Variants in SPEF2 observed in about 807,000 individuals in gnomAD.
SPEF2 encodes sperm flagellar and cilia associated 2.
Under a neutral mutation model 224.6 loss-of-function variants are expected in SPEF2, and 187 were observed. The observed-to-expected ratio is 0.83, with a 90% CI of 0.74 to 0.94. The LOEUF (loss-of-function observed/expected upper bound fraction) is 0.94. Among genes scored for constraint, SPEF2 ranks in the 40% least tolerant of loss-of-function variants. SPEF2 has a pLI of 0.00. For synonymous variants in SPEF2, 715 were observed against 707.3 expected (o/e 1.01, Z -0.17); for missense variants, 2,170 against 2,135.6 (o/e 1.02, Z -0.32).
chr5:35,619,369 T>C (rs1743145853), intron 1 of SPEF2, among the ~76,000 whole-genome samples: 1 of 152,178 alleles, frequency 6.6e-6, no homozygotes, highest in Non-Finnish European at 1.5e-5. Context: ...TTTAATTTAG[T>C]TCATTTATTT....
At chr5:35,743,586 G>T (rs1748018482) in intron 23 of SPEF2, among the ~76,000 whole-genome samples, 1 of 152,086 alleles carries the variant, frequency 6.6e-6, no homozygotes, top group Non-Finnish European at 1.5e-5. Flanking sequence ...ACCTGCCTTT[G>T]CTTCATGCCC....
At chr5:35,798,516 GC>G (rs1756991990) in intron 33 of SPEF2, among the ~76,000 whole-genome samples, 1 of 152,068 alleles carries the variant, frequency 6.6e-6, no homozygotes, top group African/African-American at 2.4e-5. Context: ...TTGCTGTCTA[GC>G]CCCCTCTCCA....
Position 35,700,512 on chromosome 5 carries a change from C to T in SPEF2, c.2158C>T (p.Gln720Ter). 6.2e-7 allele frequency: 1 copy of T among 1,612,570 alleles called. No homozygotes were observed. Among genetic ancestry groups the T allele is most frequent in the Non-Finnish European group, 8.5e-7 (1 of 1,179,530 alleles). ...VNAINEIPVN[Q>*]DCILDGFPMT... ...TCAATTTAGTGAGATACCTGTGAATCAAGACTGTATCCTAGATGGTTTTCC... is the reference window on the plus strand; with the variant it reads ...TCAATTTAGTGAGATACCTGTGAATTAAGACTGTATCCTAGATGGTTTTCC... The change falls in exon 16 of 37, where the codon CAA (glutamine) becomes TAA (stop). Residue 720 changes from glutamine (Q) to a stop codon, truncating the protein, a stop_gained. Transcript: ENST00000356031. LOFTEE classifies it high-confidence loss of function.
At chr5:35,786,476 A>G (rs1755141354) in intron 30 of SPEF2, among the ~76,000 whole-genome samples, 1 of 152,050 alleles carries the variant, frequency 6.6e-6, no homozygotes, top group South Asian at 2.1e-4. Flanking sequence ...CCTGACCAAT[A>G]TGGTGAAACC....
chr5:35,708,170 A>G (rs1338739044), intron 18 of SPEF2, among the ~76,000 whole-genome samples: 2 of 152,140 alleles, frequency 1.3e-5, no homozygotes, highest in Non-Finnish European at 2.9e-5. Context: ...TCTTCAAGGC[A>G]TAATTCAGGT....
intron 23 of SPEF2, among the ~76,000 whole-genome samples, chr5:35,750,966 T>G: frequency 1.6e-5 from 2 of 125,958 alleles, no homozygotes; most frequent in African/African-American, 2.9e-5. Flanking sequence ...AGTCAGTGAG[T>G]GGATAAAGAA....
At chr5:35,640,532 A>G (rs1746481613) in intron 2 of SPEF2, among the ~76,000 whole-genome samples, 1 of 152,172 alleles carries the variant, frequency 6.6e-6, no homozygotes, top group Admixed American at 6.5e-5. Context: ...CAACTGTACG[A>G]TGATTTGTGG....
At chr5:35,670,932 G>A (rs988841681) in intron 10 of SPEF2, 74 of 985,326 alleles carry the variant, frequency 7.5e-5, no homozygotes, top group Middle Eastern at 5.2e-4. Context: ...CTTCATGTTG[G>A]ATGCATATAA....
chr5:35,647,776 A>G, intron 5 of SPEF2, among the ~76,000 whole-genome samples: 1 of 152,142 alleles, frequency 6.6e-6, no homozygotes, highest in East Asian at 1.9e-4. Flanking sequence ...CTATTTTTCT[A>G]TGAATCCCAG....
chr5:35,777,747 C>G (rs1753794658), intron 29 of SPEF2, among the ~76,000 whole-genome samples: 1 of 151,938 alleles, frequency 6.6e-6, no homozygotes, highest in African/African-American at 2.4e-5. Context: ...AAATCCTGTT[C>G]TTATTTTCCT....
chr5:35,631,693 C>T (rs1745155738), intron 2 of SPEF2, among the ~76,000 whole-genome samples: 1 of 152,142 alleles, frequency 6.6e-6, no homozygotes, highest in Admixed American at 6.5e-5. Flanking sequence ...AAAGTAGAAA[C>T]AACTCAGATA....
At chr5:35,724,761 G>A (rs1744349598) in intron 20 of SPEF2, among the ~76,000 whole-genome samples, 1 of 152,260 alleles carries the variant, frequency 6.6e-6, no homozygotes, top group Non-Finnish European at 1.5e-5. Context: ...GTGCAAAAAA[G>A]TAAATAGTAC....
At position 35,705,775 on chromosome 5, in the gene SPEF2, C is replaced by A; in HGVS notation, c.2632C>A (p.Leu878Ile). 1 of 1,515,448 alleles carries A rather than the reference C, an allele frequency of 6.6e-7. No homozygotes were observed. Among genetic ancestry groups the A allele is most frequent in the African/African-American group, 1.4e-5 (1 of 70,622 alleles). 93.9% of individuals were successfully genotyped at this position (1,515,448 alleles called of 1,614,324 possible). A position where few individuals can be genotyped will look rare whatever the true frequency, so the allele number is the denominator to read the frequency against. ...TTTATGTGAAAAAGTAAAAGAAATT[C>A]TTACGACTGAAATAGCAAAAAAAAA... is the stretch of plus-strand genomic sequence containing the variant. ...ESLCEKVKEI[L>I]TTEIAKKKNK... The change falls in exon 18 of 37, where the codon CTT becomes ATT. Residue 878 changes from leucine (L) to isoleucine (I), a missense_variant. Transcript: ENST00000356031.
At chr5:35,680,918 G>A (rs1752705887) in intron 10 of SPEF2, among the ~76,000 whole-genome samples, 1 of 152,140 alleles carries the variant, frequency 6.6e-6, no homozygotes, top group South Asian at 2.1e-4. Flanking sequence ...AACCTCTGAA[G>A]ATATCAATCT....
At chr5:35,664,760 G>A (rs1355158595) in intron 8 of SPEF2, among the ~76,000 whole-genome samples, 1 of 146,012 alleles carries the variant, frequency 6.8e-6, no homozygotes, top group Non-Finnish European at 1.5e-5. Flanking sequence ...GAGGAAGGAA[G>A]GAGGAGAGAG....
At position 35,697,712 on chromosome 5, in the gene SPEF2, G is replaced by C. The variant is rs1025246397; in HGVS notation, c.2060G>C (p.Gly687Ala). The C allele has an allele frequency of 3.1e-6, 5 of 1,613,174 alleles. No individual in the cohort carries two copies. The highest frequency in any genetic ancestry group is 4.2e-6 in the Non-Finnish European group (5 of 1,179,608). Residue 687 changes from glycine to alanine, a missense_variant, in exon 15 of 37, where the codon GGT becomes GCT. Transcript: ENST00000356031. Reference protein sequence around the residue: ...FLKLTTRAQLGAKSEQLLKKG... With the variant: ...FLKLTTRAQLAAKSEQLLKKG... ...CAGCTCACTACACGTGCTCAGCTTG[G>C]TGCAAAATCAGAACAGTTGCTGAAG...
chr5:35,651,520 A>G (rs985115321), intron 6 of SPEF2, among the ~76,000 whole-genome samples: 4 of 152,192 alleles, frequency 2.6e-5, no homozygotes, highest in African/African-American at 9.6e-5. Flanking sequence ...TTTGGCCTTA[A>G]AAAGAAAAAC....
chr5:35,675,776 G>A (rs115264582), intron 10 of SPEF2: 12,915 of 367,102 alleles, frequency 0.035, 379 homozygotes, highest in Non-Finnish European at 0.052. Context: ...TAACTTAACA[G>A]AGCAGAACAT....
At position 35,719,683 on chromosome 5, in the gene SPEF2, G is replaced by A. The variant is rs10067721; in HGVS notation, c.2914+6797G>A. 4.6e-3 allele frequency among the ~76,000 whole-genome samples: 700 copies of A among 152,014 alleles called. 6 individuals are homozygous for A. The highest frequency in any genetic ancestry group is 0.016 in the African/African-American group (682 of 41,440). ...GTCACCTAGGTTGGGGTGCAGTAGCGTGATCTTGGCTCACTGCAAGCTCCA... is the reference window on the plus strand; with the variant it reads ...GTCACCTAGGTTGGGGTGCAGTAGCATGATCTTGGCTCACTGCAAGCTCCA... On this transcript the variant is annotated intron_variant, in intron 20 of 36. Coordinates refer to ENST00000356031, the MANE Select transcript of SPEF2 (RefSeq NM_024867.4).
Sources: gnomAD v4.1 joint callset for allele counts (sites outside exome capture counted in the v4.1 genomes callset) on GRCh38, gnomAD v4.1.1 for gene constraint, MANE v1.5 for transcripts, NCBI Gene and HGNC (gene_info 2026-07-23, HGNC 2026-07-21) for gene names.